The following TMCC1 variants were observed in gnomAD, a reference collection of about 807,000 sequenced individuals.
TMCC1 encodes the protein transmembrane and coiled-coil domains protein 1.
Under a neutral mutation model 52.4 loss-of-function variants are expected in TMCC1, and 15 were observed. The observed-to-expected ratio is 0.29, with a 90% confidence interval of 0.19 to 0.44. TMCC1 has a LOEUF of 0.44. Among genes scored for constraint, TMCC1 ranks in the 20% least tolerant of loss-of-function variants. The pLI is 1.00. For synonymous variants in TMCC1, 279 were observed against 301.9 expected (o/e 0.92, Z 0.79); for missense variants, 503 against 806.0 (o/e 0.62, Z 4.55).
At chr3:129,869,954 T>C (rs2060834284) in intron 2 of TMCC1, among the ~76,000 whole-genome samples, 2 of 152,218 alleles carry the variant, frequency 1.3e-5, no homozygotes, top group African/African-American at 4.8e-5. Context: ...ACACAGCAAG[T>C]AGCAGAGTTA....
chr3:129,810,923 G>A lies in TMCC1; in HGVS notation c.576+16880C>T, dbSNP rs1044625006. On this transcript the variant is annotated intron_variant, in intron 4 of 6. Transcript: ENST00000393238. ...TGTTGAAACAAGTTTAATGTTATTG[G>A]AAAGCCTGTGGTGAGCTTAAGGCAG... 7.2e-5 allele frequency among the ~76,000 whole-genome samples: 11 copies of A among 152,298 alleles called. 1 individual carries two copies. The highest frequency in any genetic ancestry group is 5.9e-4 in the Admixed American group (9 of 15,304).
intron 4 of TMCC1, among the ~76,000 whole-genome samples, chr3:129,800,906 T>C (rs1289822936): frequency 6.7e-6 from 1 of 150,220 alleles, no homozygotes; most frequent in African/African-American, 2.4e-5. Context: ...ACGTTTTCCC[T>C]CTCTGCACAT....
intron 4 of TMCC1, among the ~76,000 whole-genome samples, chr3:129,672,088 T>G (rs1043294136): frequency 6.6e-5 from 10 of 152,232 alleles, no homozygotes; most frequent in African/African-American, 2.4e-4. Context: ...GCACGTATAC[T>G]TAATCCTTTC....
intron 4 of TMCC1, among the ~76,000 whole-genome samples, chr3:129,699,502 A>T (rs1224153806): frequency 6.6e-6 from 1 of 152,196 alleles, no homozygotes; most frequent in East Asian, 1.9e-4. Flanking sequence ...TTCACATATA[A>T]TCAAGAAGTA....
At chr3:129,884,243 TAAAC>T (rs1415362358) in intron 1 of TMCC1, among the ~76,000 whole-genome samples, 2 of 152,036 alleles carry the variant, frequency 1.3e-5, no homozygotes, top group African/African-American at 2.4e-5. Context: ...AATATATGAA[TAAAC>T]AAAATATACA....
At chr3:129,719,357 T>G (rs901667731) in intron 4 of TMCC1, among the ~76,000 whole-genome samples, 4 of 152,368 alleles carry the variant, frequency 2.6e-5, no homozygotes, top group Non-Finnish European at 4.4e-5. Context: ...CCTTCCCATA[T>G]GCCTTGCCTA....
At chr3:129,850,669 C>G (rs2059877108) in intron 2 of TMCC1, among the ~76,000 whole-genome samples, 1 of 152,148 alleles carries the variant, frequency 6.6e-6, no homozygotes, top group Non-Finnish European at 1.5e-5. Flanking sequence ...CACACACACA[C>G]AGAAATAGAG....
intron 4 of TMCC1, chr3:129,688,713 G>A (rs1483376410): frequency 2.0e-6 from 2 of 985,334 alleles, no homozygotes; most frequent in East Asian, 1.1e-4. Flanking sequence ...CACGCAGTTT[G>A]CTAGAGCAGC....
At chr3:129,779,475 G>T (rs1044496443) in intron 4 of TMCC1, among the ~76,000 whole-genome samples, 1 of 152,076 alleles carries the variant, frequency 6.6e-6, no homozygotes, top group Admixed American at 6.6e-5. Context: ...AAATTTTAGA[G>T]ATGCAAATAA....
chr3:129,773,478 T>C (rs1290973554), intron 4 of TMCC1, among the ~76,000 whole-genome samples: 1 of 152,206 alleles, frequency 6.6e-6, no homozygotes, highest in East Asian at 1.9e-4. Flanking sequence ...TACTTTGTTT[T>C]GTAGATTTGA....
intron 4 of TMCC1, among the ~76,000 whole-genome samples, chr3:129,692,662 A>T (rs959824279): frequency 1.3e-4 from 20 of 152,056 alleles, no homozygotes; most frequent in African/African-American, 4.8e-4. Flanking sequence ...CATTCTCTCT[A>T]CCCAGTTTTC....
chr3:129,863,053 T>A (rs1277718953), intron 2 of TMCC1, among the ~76,000 whole-genome samples: 1 of 152,178 alleles, frequency 6.6e-6, no homozygotes, highest in African/African-American at 2.4e-5. Context: ...CTTCTCCATA[T>A]GAATAATAAA....
At chr3:129,725,334 A>G (rs553233809) in intron 4 of TMCC1, among the ~76,000 whole-genome samples, 126 of 151,450 alleles carry the variant, frequency 8.3e-4, no homozygotes, top group Non-Finnish European at 1.6e-3. Flanking sequence ...CTGGTCTCAA[A>G]CTCCTGACAA....
At chr3:129,748,106 A>C (rs35334071) in intron 4 of TMCC1, among the ~76,000 whole-genome samples, 14,765 of 152,228 alleles carry the variant, frequency 0.097, 845 homozygotes, top group African/African-American at 0.16. Context: ...CATACACCTA[A>C]AGAAATTTTA....
At chr3:129,786,878 T>C (rs1225211434) in intron 4 of TMCC1, among the ~76,000 whole-genome samples, 1 of 152,226 alleles carries the variant, frequency 6.6e-6, no homozygotes, top group African/African-American at 2.4e-5. Flanking sequence ...CTACATCTTC[T>C]CAAGTGAGCT....
chr3:129,669,050 G>C (rs2108882874), intron 5 of TMCC1, among the ~76,000 whole-genome samples: 1 of 152,278 alleles, frequency 6.6e-6, no homozygotes, highest in South Asian at 2.1e-4. Flanking sequence ...AGTTAGAATT[G>C]AAGAACAGAA....
intron 2 of TMCC1, among the ~76,000 whole-genome samples, chr3:129,849,550 G>C (rs1025724268): frequency 1.9e-4 from 29 of 151,568 alleles, no homozygotes; most frequent in African/African-American, 6.5e-4. Flanking sequence ...GGATCATGAG[G>C]TCAGGAGATC....
At chr3:129,874,858 A>T (rs1455322366) in intron 2 of TMCC1, among the ~76,000 whole-genome samples, 1 of 152,238 alleles carries the variant, frequency 6.6e-6, no homozygotes, top group Non-Finnish European at 1.5e-5. Context: ...TATCTCTAAA[A>T]AAATAAATAA....
intron 2 of TMCC1, among the ~76,000 whole-genome samples, chr3:129,851,684 C>T (rs1375849093): frequency 6.6e-6 from 1 of 151,964 alleles, no homozygotes; most frequent in Non-Finnish European, 1.5e-5. Flanking sequence ...ATGGTGGTTC[C>T]CAGAAAATTA....
Sources: gnomAD v4.1 joint callset for allele counts (sites outside exome capture counted in the v4.1 genomes callset) on GRCh38, gnomAD v4.1.1 for gene constraint, MANE v1.5 for transcripts, NCBI Gene and HGNC (gene_info 2026-07-23, HGNC 2026-07-21) for gene names.